The following AIG1 variants were observed in gnomAD, a reference collection of about 807,000 sequenced individuals.
AIG1 encodes the protein androgen induced 1.
Under a neutral mutation model 31.4 loss-of-function variants are expected in AIG1, and 23 were observed. The ratio of observed to expected loss-of-function variants is 0.73; its 90% CI spans 0.53 to 1.04. The LOEUF (loss-of-function observed/expected upper bound fraction) is 1.04. Among genes scored for constraint, AIG1 ranks in the 50% least tolerant of loss-of-function variants. AIG1 has a pLI of 0.00. For missense variants in AIG1, 274 were observed against 295.0 expected (o/e 0.93, Z 0.52); for synonymous variants, 100 against 110.5 (o/e 0.90, Z 0.60).
intron 3 of AIG1, among the ~76,000 whole-genome samples, chr6:143,271,474 T>C (rs1387256989): frequency 2.0e-5 from 3 of 152,208 alleles, no homozygotes; most frequent in Non-Finnish European, 2.9e-5. Flanking sequence ...ATGTCAAACA[T>C]AATTGCTCTT....
intron 1 of AIG1, among the ~76,000 whole-genome samples, chr6:143,114,300 C>T (rs971900152): frequency 6.6e-6 from 1 of 152,108 alleles, no homozygotes; most frequent in Non-Finnish European, 1.5e-5. Context: ...CCTAAAAAAC[C>T]AGTGTGACTA....
intron 4 of AIG1, among the ~76,000 whole-genome samples, chr6:143,307,866 A>G (rs1301041494): frequency 6.6e-6 from 1 of 152,162 alleles, no homozygotes; most frequent in African/African-American, 2.4e-5. Context: ...CACCCAGTTC[A>G]AGCTTCCCAG....
intron 1 of AIG1, among the ~76,000 whole-genome samples, chr6:143,062,540 G>A (rs750760718): frequency 2.0e-5 from 3 of 152,122 alleles, no homozygotes; most frequent in Non-Finnish European, 2.9e-5. Context: ...CAACAATGTC[G>A]GAGTTGCCTT....
In AIG1 at chr6:143,102,949, G is replaced by T. The variant is rs375895124; in HGVS notation, c.142-33886G>T. ...CCCAGAATCCTGAAGATTTACATTA[G>T]GTGAAAATCTAGTGTACATATATAT... is the stretch of plus-strand genomic sequence containing the variant. On this transcript the variant is annotated intron_variant, in intron 1 of 5. Coordinates refer to ENST00000357847, the MANE Select transcript of AIG1 (RefSeq NM_016108.4). 2.0e-5 allele frequency among the ~76,000 whole-genome samples: 3 copies of T among 152,102 alleles called. No homozygotes were observed. The East Asian group carries it at 5.8e-4, about 29-fold the overall frequency.
At chr6:143,192,160 A>G (rs1263690949) in intron 3 of AIG1, among the ~76,000 whole-genome samples, 8 of 152,238 alleles carry the variant, frequency 5.3e-5, no homozygotes, top group Non-Finnish European at 8.8e-5. Flanking sequence ...AGGATGTTCA[A>G]GACATCTAAG....
chr6:143,272,675 G>C (rs1796616609), intron 3 of AIG1, among the ~76,000 whole-genome samples: 1 of 152,206 alleles, frequency 6.6e-6, no homozygotes. Flanking sequence ...ATTGCAGTCA[G>C]AAAGAAGATG....
chr6:143,075,555 C>T (rs1004030685), intron 1 of AIG1, among the ~76,000 whole-genome samples: 4 of 152,192 alleles, frequency 2.6e-5, no homozygotes, highest in Non-Finnish European at 4.4e-5. Context: ...ATCCACCCCA[C>T]TCAGCCTCCT....
chr6:143,199,831 C>A (rs1032187881), intron 3 of AIG1, among the ~76,000 whole-genome samples: 3 of 152,046 alleles, frequency 2.0e-5, no homozygotes, highest in Non-Finnish European at 4.4e-5. Context: ...GAGAAGTATA[C>A]AAGAAGGCTT....
At chr6:143,187,745 C>A in intron 3 of AIG1, 1 of 1,535,074 alleles carries the variant, frequency 6.5e-7, no homozygotes, top group South Asian at 1.2e-5. Flanking sequence ...GACCTGGTGC[C>A]ATGCATGCTG....
At chr6:143,075,454 C>G (rs527619025) in intron 1 of AIG1, among the ~76,000 whole-genome samples, 1 of 152,264 alleles carries the variant, frequency 6.6e-6, no homozygotes, top group South Asian at 2.1e-4. Context: ...CTGGCACACA[C>G]CACCATGCCC....
Position 143,327,317 on chromosome 6 carries a change from C to A in AIG1, c.516-5965C>A. 4.5e-6 allele frequency: 1 copy of A among 222,720 alleles called. No individual in the cohort carries two copies. Among genetic ancestry groups the A allele is most frequent in the South Asian group, 7.2e-5 (1 of 13,898 alleles). 13.8% of individuals were successfully genotyped at this position (222,720 alleles called of 1,614,324 possible). A position where few individuals can be genotyped will look rare whatever the true frequency, so the allele number is the denominator to read the frequency against. ...GGATGGCAAGACAAAAAGGGCCACT[C>A]TGCCATCAACAAGGTGGTGACCTCG... On this transcript the variant is annotated intron_variant, in intron 4 of 5. Coordinates refer to ENST00000357847, the MANE Select transcript of AIG1 (RefSeq NM_016108.4). The surrounding 1 kb of genome is among the most constrained non-coding windows in gnomAD (Gnocchi z 5.3).
At chr6:143,308,137 C>T (rs1799488676) in intron 4 of AIG1, among the ~76,000 whole-genome samples, 2 of 152,376 alleles carry the variant, frequency 1.3e-5, no homozygotes, top group Middle Eastern at 3.4e-3. Context: ...GGAAAGGGAA[C>T]TCCCTGACCC....
intron 3 of AIG1, among the ~76,000 whole-genome samples, chr6:143,170,362 A>G (rs914496548): frequency 6.6e-6 from 1 of 151,972 alleles, no homozygotes; most frequent in East Asian, 1.9e-4. Flanking sequence ...AGGTTTTTCA[A>G]TTTGTTGGTA....
rs151166853 is a variant in AIG1, at chr6:143,080,958, C to T, written c.141+19892C>T. The stretch of plus-strand genomic sequence containing the variant: ...GTGGAATAATTCCTTTCCCTCCTCT[C>T]AGGGACAGGTTCCCTGTAATGTTTT... On this transcript the variant is annotated intron_variant, in intron 1 of 5. Coordinates refer to ENST00000357847, the MANE Select transcript of AIG1 (RefSeq NM_016108.4). Among the ~76,000 whole-genome samples, 203 of 152,254 alleles carry T rather than the reference C, an allele frequency of 1.3e-3. 6 individuals carry two copies. In the East Asian group the frequency reaches 0.036, roughly 27 times the overall value.
At chr6:143,307,528 G>A (rs1333294206) in intron 4 of AIG1, among the ~76,000 whole-genome samples, 3 of 152,184 alleles carry the variant, frequency 2.0e-5, no homozygotes, top group South Asian at 2.1e-4. Context: ...TTCGTGAACC[G>A]CGAATGCTGC....
At chr6:143,191,855 A>G (rs1244444058) in intron 3 of AIG1, among the ~76,000 whole-genome samples, 1 of 152,218 alleles carries the variant, frequency 6.6e-6, no homozygotes, top group African/African-American at 2.4e-5. Flanking sequence ...GTGCAAATGA[A>G]TTTGGGTTTC....
rs539174928 is a variant in AIG1 at position 143,188,912 on chromosome 6, G to A, written c.399+23729G>A. ...AAAGTGTATTCAGTAAAATTAATGC[G>A]TTTTTTTCTTAAAAGCTCAAGCCTT... On this transcript the variant is annotated intron_variant, in intron 3 of 5. Transcript: ENST00000357847. 242 of 984,496 alleles carry A rather than the reference G, an allele frequency of 2.5e-4. No homozygotes were observed. In the African/African-American group the frequency reaches 2.9e-3, roughly 12 times the overall value. 61.0% of individuals were successfully genotyped at this position (984,496 alleles called of 1,614,324 possible).
At chr6:143,159,862 C>A (rs1444936855) in intron 2 of AIG1, among the ~76,000 whole-genome samples, 1 of 152,288 alleles carries the variant, frequency 6.6e-6, no homozygotes, top group Admixed American at 6.5e-5. Flanking sequence ...CACACCCATA[C>A]TTTCTCTGTT....
intron 1 of AIG1, among the ~76,000 whole-genome samples, chr6:143,134,396 C>CT (rs61322198): frequency 0.095 from 10,543 of 111,252 alleles, 691 homozygotes; most frequent in East Asian, 0.36. Context: ...TCCTGGTTTC[C>CT]TTTTTTTTTT....
Sources: gnomAD v4.1 joint callset for allele counts (sites outside exome capture counted in the v4.1 genomes callset) on GRCh38, gnomAD v4.1.1 for gene constraint, Gnocchi (gnomAD v3.1) non-coding constraint, MANE v1.5 for transcripts, NCBI Gene and HGNC (gene_info 2026-07-23, HGNC 2026-07-21) for gene names.